Variants in SHROOM4 observed in about 807,000 individuals in gnomAD.
The protein encoded by SHROOM4 is protein Shroom4.
A neutral mutation model predicts 80.3 loss-of-function variants in SHROOM4; 17 were observed. The observed-to-expected ratio is 0.21, with a 90% CI of 0.14 to 0.32. The LOEUF is 0.32. SHROOM4 is among the 10% of genes least tolerant of loss of function. The pLI is 1.00. For missense variants in SHROOM4, 993 were observed against 1,140.3 expected, an observed-to-expected ratio of 0.87 and a Z score of 1.86; for synonymous variants, 400 against 437.5, an observed-to-expected ratio of 0.91 and a Z score of 1.07.
intron 4 of SHROOM4, among the ~76,000 whole-genome samples, chrX:50,628,364 T>G (rs1311985070): frequency 9.0e-6 from 1 of 111,499 alleles, no homozygotes; most frequent in South Asian, 3.8e-4. Flanking sequence ...AACTCTTTTT[T>G]TTTTCTAGGC....
intron 1 of SHROOM4, among the ~76,000 whole-genome samples, chrX:50,713,598 G>A (rs1933876041): frequency 9.0e-6 from 1 of 111,481 alleles, no homozygotes; most frequent in African/African-American, 3.3e-5. Context: ...TTGCACCACT[G>A]TACTCCCACC....
intron 1 of SHROOM4, among the ~76,000 whole-genome samples, chrX:50,809,809 T>C (rs781879134): frequency 2.1e-4 from 23 of 111,801 alleles, no homozygotes; most frequent in Non-Finnish European, 4.1e-4. Context: ...GAATCCCCAT[T>C]CCATCCAGAC....
In SHROOM4 at chrX:50,634,240, T is replaced by G; in HGVS notation, c.1833A>C (p.Ser611=). The G allele has an allele frequency of 8.3e-7, 1 of 1,211,646 alleles. No homozygotes were observed. The highest frequency in any genetic ancestry group is 1.1e-6 in the Non-Finnish European group (1 of 895,500). The stretch of plus-strand genomic sequence containing the variant: ...CTGGCTCCTTAGTGTCACACAGCTG[T>G]GACAAGGGACCCTTGCTTTTCTGGA... The part of the protein sequence containing the change: ...AQLQKSKGPL[S]QLCDTKEPVE... Residue 611 remains serine, a synonymous_variant, in exon 4 of 9, where the codon TCA becomes TCC. Coordinates refer to ENST00000376020, the MANE Select transcript of SHROOM4 (RefSeq NM_020717.5).
rs1557273793 is a variant in SHROOM4, at chrX:50,814,009, G to T, written c.10C>A (p.Arg4=). The part of the protein sequence containing the change: MEN[R]PGSFQYVPVQ... ...GGGACGTACTGGAAGGACCCAGGCC[G>T]GTTCTCCATCCTCGGCTGGGCTCAG... Residue 4 remains arginine (R), a synonymous_variant, in exon 1 of 9, where the codon CGG becomes AGG. Coordinates refer to ENST00000376020, the MANE Select transcript of SHROOM4 (RefSeq NM_020717.5). The T allele has an allele frequency of 8.3e-7, 1 of 1,204,507 alleles. No homozygotes were observed.
Position 50,591,527 on chromosome X carries a change from TG to T in SHROOM4, c.*5167del, listed in dbSNP as rs1188460825. Reference sequence around the variant, plus strand: ...TACTAAGTCTTCCAATCCATGAACATGGAGTGTCTTTCCATTTATTTTGATC... The same window carrying T: ...TACTAAGTCTTCCAATCCATGAACATGAGTGTCTTTCCATTTATTTTGATC... On this transcript the variant is annotated 3_prime_UTR_variant, in exon 9 of 9. Transcript: ENST00000376020. The T allele has an allele frequency of 4.5e-6, 1 of 222,249 alleles. No individual in the cohort carries two copies. The highest frequency in any genetic ancestry group is 8.1e-6 in the Non-Finnish European group (1 of 122,774). The allele number at this position is 222,249 out of a possible 1,213,427, so 18.3% of individuals were successfully genotyped here. A position where few individuals can be genotyped will look rare whatever the true frequency, so the allele number is the denominator to read the frequency against.
At chrX:50,642,746 T>C (rs1254960351) in intron 2 of SHROOM4, among the ~76,000 whole-genome samples, 3 of 112,176 alleles carry the variant, frequency 2.7e-5, no homozygotes, top group Non-Finnish European at 3.8e-5. Context: ...ATTACAGGCA[T>C]GAGCCACCAT....
intron 1 of SHROOM4, among the ~76,000 whole-genome samples, chrX:50,790,045 C>A (rs1484360620): frequency 8.9e-6 from 1 of 111,870 alleles, no homozygotes; most frequent in Non-Finnish European, 1.9e-5. Context: ...CAATGGTAAG[C>A]ATTTGTGAAT....
downstream of SHROOM4, among the ~76,000 whole-genome samples, chrX:50,582,739 T>A (rs1248686505): frequency 2.7e-5 from 3 of 111,868 alleles, no homozygotes; most frequent in Non-Finnish European, 5.6e-5. Context: ...TTGGTTACTA[T>A]TGTGAATGCT....
intron 1 of SHROOM4, among the ~76,000 whole-genome samples, chrX:50,750,982 G>C (rs992319099): frequency 1.8e-5 from 2 of 112,190 alleles, no homozygotes; most frequent in East Asian, 5.6e-4. Flanking sequence ...AGTTTGTCTT[G>C]CTCAGTAAAA....
At chrX:50,617,221 C>T (rs1447204318) in intron 5 of SHROOM4, among the ~76,000 whole-genome samples, 5 of 112,257 alleles carry the variant, frequency 4.5e-5, no homozygotes, top group African/African-American at 1.6e-4. Flanking sequence ...AACAAAATAC[C>T]TATCTTACAA....
chrX:50,668,000 G>A (rs1392177944), intron 2 of SHROOM4, among the ~76,000 whole-genome samples: 3 of 111,756 alleles, frequency 2.7e-5, no homozygotes, highest in Non-Finnish European at 5.7e-5. Flanking sequence ...TGTGGCCCCA[G>A]CCACCCTCAT....
At chrX:50,602,934 A>C in intron 6 of SHROOM4, 121 bp from the exon 7 acceptor site, 1 of 676,884 alleles carries the variant, frequency 1.5e-6, no homozygotes, top group Non-Finnish European at 2.3e-6. Context: ...AAAAAAATGG[A>C]GAAGGCACTG....
intron 2 of SHROOM4, among the ~76,000 whole-genome samples, chrX:50,670,063 T>C (rs919535735): frequency 8.9e-6 from 1 of 112,176 alleles, no homozygotes; most frequent in Non-Finnish European, 1.9e-5. Context: ...CATCAGAGGA[T>C]TGTCTATGGC....
At chrX:50,696,651 G>A (rs1455111813) in intron 1 of SHROOM4, among the ~76,000 whole-genome samples, 1 of 112,406 alleles carries the variant, frequency 8.9e-6, no homozygotes, top group Non-Finnish European at 1.9e-5. Context: ...CAATGTAGCT[G>A]CTTCTTTATC....
intron 1 of SHROOM4, among the ~76,000 whole-genome samples, chrX:50,720,393 T>C (rs1602460795): frequency 8.9e-6 from 1 of 111,866 alleles, no homozygotes. Context: ...ATCCACTTGG[T>C]TGTCTGCTCA....
At chrX:50,702,078 C>A (rs1039223097) in intron 1 of SHROOM4, among the ~76,000 whole-genome samples, 19 of 112,014 alleles carry the variant, frequency 1.7e-4, no homozygotes, top group African/African-American at 6.2e-4. Flanking sequence ...CTTGAACAAG[C>A]ACTTCACTAA....
Position 50,588,236 on chromosome X carries a change from A to T in SHROOM4, c.*8459T>A, listed in dbSNP as rs1489543914. 2.7e-5 allele frequency among the ~76,000 whole-genome samples: 3 copies of T among 111,659 alleles called. No homozygotes were observed. The highest frequency in any genetic ancestry group is 5.6e-5 in the Non-Finnish European group (3 of 53,145). On this transcript the variant is annotated 3_prime_UTR_variant, in exon 9 of 9. Transcript: ENST00000376020. Reference sequence around the variant, plus strand: ...CCTAAGGCTGAAACATTTTATCTGCAGGTCCAAAAAATCTTGACCTGGTGC... The same window carrying T: ...CCTAAGGCTGAAACATTTTATCTGCTGGTCCAAAAAATCTTGACCTGGTGC...
intron 1 of SHROOM4, among the ~76,000 whole-genome samples, chrX:50,727,399 A>C (rs1557265966): frequency 8.9e-6 from 1 of 111,958 alleles, no homozygotes; most frequent in Non-Finnish European, 1.9e-5. Context: ...TGAAAAGGAC[A>C]TGAGATTTGG....
At chrX:50,639,734 TA>T (rs1200468218) in intron 2 of SHROOM4, among the ~76,000 whole-genome samples, 1 of 111,219 alleles carries the variant, frequency 9.0e-6, no homozygotes, top group Non-Finnish European at 1.9e-5. Flanking sequence ...AGCAGAAGCA[TA>T]GAAGATCTCA....
Sources: gnomAD v4.1 joint callset for allele counts (sites outside exome capture counted in the v4.1 genomes callset) on GRCh38, gnomAD v4.1.1 for gene constraint, MANE v1.5 for transcripts, NCBI Gene and HGNC (gene_info 2026-07-23, HGNC 2026-07-21) for gene names.